Variants in ZNF215 observed in about 807,000 individuals in gnomAD.
ZNF215 encodes the protein zinc finger protein 215.
ZNF215 carries 24 observed loss-of-function variants against 27.2 expected under a neutral mutation model. The observed-to-expected ratio is 0.88, with a 90% confidence interval of 0.64 to 1.24. ZNF215 has a LOEUF of 1.24. ZNF215 is among the 50% of genes most tolerant of loss of function. ZNF215 has a pLI of 0.00. For missense variants in ZNF215, 675 were observed against 605.7 expected (o/e 1.11, Z -1.20); for synonymous variants, 210 against 204.0 (o/e 1.03, Z -0.25).
Position 6,956,112 on chromosome 11 carries a change from T to C in ZNF215, c.1135T>C (p.Tyr379His). ...AAAAAGTCATACTACAATGAATTCC[T>C]ATGAATGTTATCAATGTGGGAAAGC... ...HQKSHTTMNSYECYQCGKAFC... is the reference protein window; with the variant it reads ...HQKSHTTMNSHECYQCGKAFC... Residue 379 changes from tyrosine to histidine, a missense_variant, in exon 7 of 7, where the codon TAT (tyrosine) becomes CAT (histidine). By Grantham distance (83) the Tyr-to-His change is moderately conservative. Coordinates refer to ENST00000278319, the MANE Select transcript of ZNF215 (RefSeq NM_013250.4). The C allele has an allele frequency of 1.2e-6, 2 of 1,613,714 alleles. No individual in the cohort carries two copies. Among genetic ancestry groups the C allele is most frequent in the Non-Finnish European group, 1.7e-6 (2 of 1,179,954 alleles).
At position 6,941,579 on chromosome 11, in the gene ZNF215, T is replaced by C; in HGVS notation, c.409T>C (p.Cys137Arg). 1 of 1,613,956 alleles carries C rather than the reference T, an allele frequency of 6.2e-7. No homozygotes were observed. The highest frequency in any genetic ancestry group is 8.5e-7 in the Non-Finnish European group (1 of 1,179,862). The change falls in exon 4 of 7, where the codon TGC (cysteine) becomes CGC (arginine). Residue 137 changes from cysteine to arginine, a missense_variant. Physicochemically the swap from Cys to Arg is radical, Grantham distance 180. Coordinates refer to ENST00000278319, the MANE Select transcript of ZNF215 (RefSeq NM_013250.4). The stretch of plus-strand genomic sequence containing the variant: ...TCCTTCATCTTCCTCAGATATGCCC[T>C]GCAAGGACTCTGCCCTGCAGATGGG... The part of the protein sequence containing the change: ...IEMLEDEDMP[C>R]KDSALQMGSI...
At chr11:6,933,391 A>G (rs569548877) in intron 3 of ZNF215, among the ~76,000 whole-genome samples, 3 of 152,330 alleles carry the variant, frequency 2.0e-5, no homozygotes, top group African/African-American at 7.2e-5. Context: ...AAACCAATAT[A>G]TAGTTAACAA....
chr11:6,955,564 C>T (rs1055194044), intron 6 of ZNF215, 126 bp from the exon 7 acceptor site: 11 of 1,002,280 alleles, frequency 1.1e-5, no homozygotes, highest in Non-Finnish European at 1.2e-5. Flanking sequence ...TTTTTCTAAC[C>T]TTGCCTCACA....
intron 6 of ZNF215, among the ~76,000 whole-genome samples, chr11:6,947,453 AT>A (rs1189320256): frequency 6.6e-6 from 1 of 152,048 alleles, no homozygotes; most frequent in Non-Finnish European, 1.5e-5. Flanking sequence ...TGCTTGGAGG[AT>A]TGCTTGAGTT....
chr11:6,943,496 G>A (rs2133222690), intron 5 of ZNF215, 50 bp from the exon 6 acceptor site: 1 of 1,497,360 alleles, frequency 6.7e-7, no homozygotes, highest in Non-Finnish European at 9.3e-7. Context: ...AATGTCTGAA[G>A]TGTCATATAT....
chr11:6,994,152 T>C (rs1186668362), intron 6 of ZNF215, among the ~76,000 whole-genome samples: 1 of 150,474 alleles, frequency 6.6e-6, no homozygotes, highest in Non-Finnish European at 1.5e-5. Context: ...GTGAGTTCAG[T>C]ATTAACAAAT....
At chr11:6,942,314 G>A (rs943373551) in intron 4 of ZNF215, among the ~76,000 whole-genome samples, 2 of 152,126 alleles carry the variant, frequency 1.3e-5, no homozygotes, top group Non-Finnish European at 2.9e-5. Context: ...GGATGCTGGA[G>A]AGAGAAGTGG....
At chr11:6,967,615 C>G (rs1431370583) in intron 5 of ZNF215, among the ~76,000 whole-genome samples, 1 of 151,846 alleles carries the variant, frequency 6.6e-6, no homozygotes, top group African/African-American at 2.4e-5. Flanking sequence ...TTTTGAGAGG[C>G]ATCTGTTGAT....
chr11:6,950,331 C>G (rs1021871320), intron 6 of ZNF215, among the ~76,000 whole-genome samples: 1 of 149,696 alleles, frequency 6.7e-6, no homozygotes, highest in Non-Finnish European at 1.5e-5. Context: ...GCAGTATGGC[C>G]ATTTTCACGA....
intron 5 of ZNF215, among the ~76,000 whole-genome samples, chr11:6,972,464 TG>T (rs1335687638): frequency 3.3e-5 from 5 of 152,062 alleles, no homozygotes; most frequent in Admixed American, 2.0e-4. Context: ...ATTCACAGAT[TG>T]TTTTTTATAT....
chr11:6,970,527 G>A (rs1850699493), intron 5 of ZNF215, among the ~76,000 whole-genome samples: 1 of 152,174 alleles, frequency 6.6e-6, no homozygotes, highest in Non-Finnish European at 1.5e-5. Flanking sequence ...TGTATTAACA[G>A]TACACACTAA....
rs1411005528 is a variant in ZNF215, at chr11:6,943,632, A to G, written c.703A>G (p.Thr235Ala). 1.2e-6 allele frequency: 2 copies of G among 1,612,374 alleles called. No homozygotes were observed. Among genetic ancestry groups the G allele is most frequent in the Admixed American group, 1.7e-5 (1 of 60,022 alleles). Residue 235 changes from threonine to alanine, a missense_variant, in exon 6 of 7, where the codon ACT becomes GCT. By Grantham distance (58) the Thr-to-Ala change is moderately conservative (BLOSUM62 0). Coordinates refer to ENST00000278319, the MANE Select transcript of ZNF215 (RefSeq NM_013250.4). ...WIMEKEIPRK[T>A]IFDMKSISGE... Reference sequence around the variant, plus strand: ...AATGGAGAAAGAAATACCAAGGAAGACTATTTTTGGTAAGAACCAGGTAGA... The same window carrying G: ...AATGGAGAAAGAAATACCAAGGAAGGCTATTTTTGGTAAGAACCAGGTAGA...
At chr11:6,975,643 C>A (rs1850818377) in intron 5 of ZNF215, among the ~76,000 whole-genome samples, 1 of 152,112 alleles carries the variant, frequency 6.6e-6, no homozygotes, top group East Asian at 1.9e-4. Context: ...TGTCTTAGAT[C>A]TCCGGTTCTA....
downstream of ZNF215, chr11:6,988,260 C>A: frequency 1.0e-6 from 1 of 985,502 alleles, no homozygotes; most frequent in Non-Finnish European, 1.2e-6. Context: ...CTAAGCACTG[C>A]AGGAGAAGAT....
chr11:6,942,967 T>G, intron 4 of ZNF215, 116 bp from the exon 5 acceptor site: 1 of 1,441,332 alleles, frequency 6.9e-7, no homozygotes, highest in Non-Finnish European at 9.3e-7. Context: ...CCTCAGACAT[T>G]GTCCTATCAA....
chr11:6,967,794 A>C (rs1850652228), intron 5 of ZNF215, among the ~76,000 whole-genome samples: 1 of 152,172 alleles, frequency 6.6e-6, no homozygotes, highest in Non-Finnish European at 1.5e-5. Flanking sequence ...TAGTTTAATT[A>C]GATCCCAATT....
chr11:6,968,368 C>T lies in ZNF215; in HGVS notation c.805+12586C>T, dbSNP rs150213233. Reference sequence around the variant, plus strand: ...GGGATAGCACTGAATATATAAATTACGTTGGGCGGTATGGCCATTTTCACA... The same window carrying T: ...GGGATAGCACTGAATATATAAATTATGTTGGGCGGTATGGCCATTTTCACA... On this transcript the variant is annotated intron_variant, in intron 5 of 5. Transcript: ENST00000529903. 2.5e-3 allele frequency among the ~76,000 whole-genome samples: 378 copies of T among 152,144 alleles called. 2 individuals carry two copies. Among genetic ancestry groups the T allele is most frequent in the African/African-American group, 7.8e-3 (325 of 41,530 alleles).
rs144391729 is a variant in ZNF215, at chr11:6,956,175, A to G, written c.1198A>G (p.Ile400Val). 598 of 1,613,716 alleles carry G rather than the reference A, an allele frequency of 3.7e-4. No homozygotes were observed. Among genetic ancestry groups the G allele is most frequent in the Non-Finnish European group, 4.7e-4 (551 of 1,179,940 alleles). The change falls in exon 7 of 7, where the codon ATT becomes GTT. Residue 400 changes from isoleucine to valine, a missense_variant. Transcript: ENST00000278319. The part of the protein sequence containing the change: ...RSSSLIRHQI[I>V]HTGEKPYKCS... ...TTCATCCCTTATTCGACATCAGATC[A>G]TTCACACAGGAGAGAAACCCTATAA...
chr11:6,942,395 C>T (rs910373483), intron 4 of ZNF215, among the ~76,000 whole-genome samples: 2 of 152,160 alleles, frequency 1.3e-5, no homozygotes, highest in African/African-American at 2.4e-5. Context: ...ATGCCAGATA[C>T]TGTTCTGAGG....
Sources: allele counts gnomAD v4.1 joint callset (sites outside exome capture counted in the v4.1 genomes callset), GRCh38; gene constraint gnomAD v4.1.1; transcripts MANE v1.5; gene names NCBI Gene and HGNC (gene_info 2026-07-23, HGNC 2026-07-21).